PCDHA7: variants seen among roughly 807,000 people sequenced by gnomAD.
The protein encoded by PCDHA7 is protocadherin alpha 7.
Under a neutral mutation model 57.2 loss-of-function variants are expected in PCDHA7, and 37 were observed. The observed-to-expected ratio is 0.65, with a 90% CI of 0.50 to 0.85. The LOEUF is 0.85. PCDHA7 is among the 40% of genes least tolerant of loss of function. The probability of loss-of-function intolerance (pLI) is 0.00; values close to 1 mark genes in which losing one functional copy is unlikely to be tolerated. For missense variants in PCDHA7, 1,188 were observed against 1,241.8 expected, an observed-to-expected ratio of 0.96 and a Z score of 0.65; for synonymous variants, 553 against 558.8, an observed-to-expected ratio of 0.99 and a Z score of 0.15.
chr5:140,976,781 T>C (rs1238344428), intron 1 of PCDHA7, among the ~76,000 whole-genome samples: 26 of 152,206 alleles, frequency 1.7e-4, no homozygotes, highest in Admixed American at 1.6e-3. Flanking sequence ...TCTGACTATA[T>C]AGCTACGCTT....
intron 1 of PCDHA7, among the ~76,000 whole-genome samples, chr5:140,900,556 C>T (rs757442954): frequency 4.6e-5 from 7 of 152,168 alleles, no homozygotes; most frequent in Non-Finnish European, 5.9e-5. Flanking sequence ...GGATTACAGG[C>T]GTGAGCCACG....
In PCDHA7 at chr5:140,841,685, G is replaced by A. The variant is rs1332759626; in HGVS notation, c.2355+4947G>A. ...GCTGCAGGTTTTCCATGTGGACGTG[G>A]AGGTGAAGGATGTTAATGACAACCC... On this transcript the variant is annotated intron_variant, in intron 1 of 3. Transcript: ENST00000525929. 1.9e-6 allele frequency: 3 copies of A among 1,613,960 alleles called. No individual in the cohort carries two copies. The Admixed American group carries it at 5.0e-5, about 27-fold the overall frequency.
At position 140,877,488 on chromosome 5, in the gene PCDHA7, C is replaced by G. The variant is rs781785108; in HGVS notation, c.2355+40750C>G. ...CGGTGCTGGTGTCGCTGGTGGAGAA[C>G]GGCCAGGCCCCAAAGACGTCGTCGC... On this transcript the variant is annotated intron_variant, in intron 1 of 3. Transcript: ENST00000525929. 6.2e-6 allele frequency: 10 copies of G among 1,613,856 alleles called. No homozygotes were observed. In the South Asian group the frequency reaches 1.1e-4, roughly 18 times the overall value.
At chr5:140,958,133 G>T (rs1472500802) in intron 1 of PCDHA7, among the ~76,000 whole-genome samples, 2 of 152,046 alleles carry the variant, frequency 1.3e-5, no homozygotes, top group East Asian at 3.8e-4. Flanking sequence ...ATGTATCAGT[G>T]TGTATATTTA....
intron 1 of PCDHA7, among the ~76,000 whole-genome samples, chr5:140,922,582 G>A (rs548638056): frequency 2.6e-5 from 4 of 152,276 alleles, no homozygotes; most frequent in Non-Finnish European, 4.4e-5. Context: ...CCCTGTAGCC[G>A]CCAGTTCTCA....
intron 1 of PCDHA7, 52 bp downstream of exon 1, chr5:140,836,790 T>G: frequency 2.1e-6 from 3 of 1,427,258 alleles, no homozygotes; most frequent in Middle Eastern, 1.8e-4. Flanking sequence ...TTAGTTCAAT[T>G]GGTCTCCTTA....
chr5:140,851,940 G>A (rs1431345124), intron 1 of PCDHA7: 2 of 966,626 alleles, frequency 2.1e-6, no homozygotes, highest in Non-Finnish European at 2.5e-6. Flanking sequence ...ATTGTAGTAT[G>A]TGACTTTCAA....
intron 1 of PCDHA7, among the ~76,000 whole-genome samples, chr5:140,938,620 C>G (rs571731816): frequency 1.3e-5 from 2 of 152,172 alleles, no homozygotes; most frequent in African/African-American, 4.8e-5. Context: ...GGAATAAACT[C>G]AGGTTGCTTA....
intron 3 of PCDHA7, 94 bp from the exon 4 acceptor site, chr5:141,009,533 G>C: frequency 1.3e-6 from 2 of 1,509,446 alleles, no homozygotes; most frequent in Non-Finnish European, 1.8e-6. Context: ...GGGAGGTTCA[G>C]CCTGCCTATG....
rs148906083 is a variant in PCDHA7, at chr5:140,906,715, A to C, written c.2355+69977A>C. ...CTGGGCCATTTGTAGTCCTGCCTGG[A>C]TTGTGCTGTTGTAGTTTCCCATTGA... On this transcript the variant is annotated intron_variant, in intron 1 of 3. Transcript: ENST00000525929. Among the ~76,000 whole-genome samples, 692 of 152,238 alleles carry C rather than the reference A, an allele frequency of 4.5e-3. 12 individuals carry two copies. The highest frequency in any genetic ancestry group is 0.027 in the Middle Eastern group (8 of 294).
chr5:141,006,379 G>GT (rs2098271047), intron 3 of PCDHA7, among the ~76,000 whole-genome samples: 1 of 151,748 alleles, frequency 6.6e-6, no homozygotes, highest in South Asian at 2.1e-4. Flanking sequence ...GCCCGGCTAA[G>GT]TTTTTTCTAT....
intron 1 of PCDHA7, chr5:140,842,120 T>A: frequency 6.2e-7 from 1 of 1,613,882 alleles, no homozygotes; most frequent in Non-Finnish European, 8.5e-7. Context: ...ACTGAATGCT[T>A]CTGATCCGGA....
chr5:140,989,010 A>G (rs2097325577), intron 3 of PCDHA7: 1 of 152,226 alleles, frequency 6.6e-6, no homozygotes, highest in Non-Finnish European at 1.5e-5. Context: ...GAGACTTATT[A>G]TAGTTTCTTC....
intron 1 of PCDHA7, among the ~76,000 whole-genome samples, chr5:140,855,480 A>T (rs567213059): frequency 4.7e-5 from 7 of 150,092 alleles, no homozygotes; most frequent in Middle Eastern, 6.8e-3. Context: ...GATGCTTGAC[A>T]TTAGTGTCTA....
intron 1 of PCDHA7, chr5:140,871,371 G>T: frequency 6.2e-7 from 1 of 1,614,202 alleles, no homozygotes; most frequent in Non-Finnish European, 8.5e-7. Context: ...GGCGGCAGAG[G>T]GTGTGCTCTG....
chr5:140,905,170 G>A (rs1350085385), intron 1 of PCDHA7, among the ~76,000 whole-genome samples: 1 of 152,188 alleles, frequency 6.6e-6, no homozygotes, highest in Non-Finnish European at 1.5e-5. Context: ...ATGGTTTCAG[G>A]TTTTAGATTT....
intron 3 of PCDHA7, among the ~76,000 whole-genome samples, chr5:141,009,035 G>A (rs1455230382): frequency 2.6e-5 from 4 of 152,106 alleles, no homozygotes; most frequent in Non-Finnish European, 2.9e-5. Flanking sequence ...TTCCCATCCC[G>A]TTCCCAGTCA....
At chr5:140,872,562 G>A (rs2053754616) in intron 1 of PCDHA7, among the ~76,000 whole-genome samples, 1 of 152,072 alleles carries the variant, frequency 6.6e-6, no homozygotes, top group Non-Finnish European at 1.5e-5. Context: ...AGGGGTTCAG[G>A]GCTGCAGTGA....
At chr5:140,851,741 G>A in intron 1 of PCDHA7, 1 of 972,212 alleles carries the variant, frequency 1.0e-6, no homozygotes, top group Non-Finnish European at 1.2e-6. Context: ...TTGAAATTCA[G>A]AGTCTGTAAC....
Sources: allele counts gnomAD v4.1 joint callset (sites outside exome capture counted in the v4.1 genomes callset), GRCh38; gene constraint gnomAD v4.1.1; transcripts MANE v1.5; gene names NCBI Gene and HGNC (gene_info 2026-07-23, HGNC 2026-07-21).